PNLDC1: variants seen among roughly 807,000 people sequenced by gnomAD.
PNLDC1 encodes PARN like ribonuclease domain containing exonuclease 1, also known as poly(A)-specific ribonuclease PNLDC1.
A neutral mutation model predicts 82.0 loss-of-function variants in PNLDC1; 70 were observed. The ratio of observed to expected loss-of-function variants is 0.85; its 90% CI spans 0.70 to 1.04. The LOEUF (loss-of-function observed/expected upper bound fraction) is 1.04, where lower values mean the gene tolerates loss of function less well. Ranked by LOEUF, PNLDC1 falls within the 50% of genes least tolerant of loss-of-function variation. PNLDC1 has a pLI of 0.00. For missense variants in PNLDC1, 631 were observed against 661.1 expected (o/e 0.95, Z 0.50); for synonymous variants, 280 against 249.3 (o/e 1.12, Z -1.16).
Position 159,818,536 on chromosome 6 carries a change from G to C in PNLDC1, c.1158-19G>C. On this transcript the variant is annotated intron_variant, in intron 15 of 18. Coordinates refer to ENST00000392167, the MANE Select transcript of PNLDC1 (RefSeq NM_001271862.2). ...AACTTCTGTGCGCCCGACAGCTTTG[G>C]GGTTTTCTGTCCTTGCAGCATCGAC... is the stretch of plus-strand genomic sequence containing the variant. 6.2e-6 allele frequency: 10 copies of C among 1,609,136 alleles called. No homozygotes were observed. Among genetic ancestry groups the C allele is most frequent in the Non-Finnish European group, 8.5e-6 (10 of 1,176,352 alleles).
intron 1 of PNLDC1, 173 bp downstream of exon 1, chr6:159,800,556 C>G: frequency 1.5e-6 from 2 of 1,368,576 alleles, no homozygotes; most frequent in Non-Finnish European, 1.0e-6. Context: ...GCAGCAAGTA[C>G]ACTCCGAGCC....
chr6:159,814,284 A>ATG (rs1167333076), intron 12 of PNLDC1, among the ~76,000 whole-genome samples: 1 of 151,988 alleles, frequency 6.6e-6, no homozygotes, highest in Non-Finnish European at 1.5e-5. Context: ...CCTGTTCTGG[A>ATG]TGTGTGTGTG....
chr6:159,813,642 T>A lies in PNLDC1; in HGVS notation c.981T>A (p.Tyr327Ter), dbSNP rs1176421735. The change falls in exon 12 of 19, where the codon TAT becomes TAA. Residue 327 changes from tyrosine to a stop codon, truncating the protein, a stop_gained. Transcript: ENST00000392167. LOFTEE classifies it high-confidence loss of function. ...GGGTGTCGAATCTTTCGGAAGTCTA[T>A]GAAGTCCTGAACAGGTGAGGACGGC... ...FPRVSNLSEV[Y>*]EVLNSDLNPT... 6.2e-7 allele frequency: 1 copy of A among 1,613,926 alleles called. No individual in the cohort carries two copies. Among genetic ancestry groups the A allele is most frequent in the East Asian group, 2.2e-5 (1 of 44,874 alleles).
chr6:159,800,770 A>G lies in PNLDC1; in HGVS notation c.77-2A>G. On this transcript the variant is annotated splice_acceptor_variant, in intron 1 of 18. Transcript: ENST00000392167. LOFTEE classifies it high-confidence loss of function. Reference sequence around the variant, plus strand: ...GACTGCTATTTTTTGCCTTCCTGGCAGGTCTGGACATAGAGTTCACGGGCC... The same window carrying G: ...GACTGCTATTTTTTGCCTTCCTGGCGGGTCTGGACATAGAGTTCACGGGCC... 6.2e-7 allele frequency: 1 copy of G among 1,614,194 alleles called. No homozygotes were observed. The highest frequency in any genetic ancestry group is 8.5e-7 in the Non-Finnish European group (1 of 1,180,028).
At chr6:159,818,678 C>T (rs1562507690) in intron 16 of PNLDC1, 24 bp downstream of exon 16, 1 of 1,599,482 alleles carries the variant, frequency 6.3e-7, no homozygotes, top group Non-Finnish European at 8.6e-7. Context: ...ATTTGGCCCC[C>T]TCGCCCCATT....
rs774357601 is a variant in PNLDC1 at position 159,818,510 on chromosome 6, G to C, written c.1158-45G>C. On this transcript the variant is annotated intron_variant, in intron 15 of 18. Coordinates refer to ENST00000392167, the MANE Select transcript of PNLDC1 (RefSeq NM_001271862.2). ...CTTGGCTGTGGCCGAGGAAGTGGAT[G>C]AACTTCTGTGCGCCCGACAGCTTTG... 1.3e-5 allele frequency: 20 copies of C among 1,552,646 alleles called. No homozygotes were observed. In the East Asian group the frequency reaches 2.7e-4, roughly 21 times the overall value.
intron 7 of PNLDC1, among the ~76,000 whole-genome samples, chr6:159,807,908 AT>A (rs202104270): frequency 3.5e-4 from 50 of 144,550 alleles, no homozygotes; most frequent in Middle Eastern, 3.9e-3. Flanking sequence ...TTGAGGCTGG[AT>A]TTTTTTTTTC....
At chr6:159,809,915 A>C in intron 9 of PNLDC1, 111 bp from the exon 10 acceptor site, 1 of 870,544 alleles carries the variant, frequency 1.1e-6, no homozygotes, top group Non-Finnish European at 1.9e-6. Flanking sequence ...CTGTCAAGTG[A>C]TCAGAATTGC....
intron 3 of PNLDC1, among the ~76,000 whole-genome samples, chr6:159,801,407 C>T (rs1781249807): frequency 6.6e-6 from 1 of 152,160 alleles, no homozygotes; most frequent in South Asian, 2.1e-4. Context: ...TATTAAGGAA[C>T]ACTCACTGTT....
At chr6:159,811,921 A>AGGG in intron 11 of PNLDC1, 135 bp downstream of exon 11, 1 of 696,174 alleles carries the variant, frequency 1.4e-6, no homozygotes, top group Non-Finnish European at 2.3e-6. Flanking sequence ...TTTGTTTGAG[A>AGGG]GGGAGTCTTG....
Position 159,802,125 on chromosome 6 carries a change from TTGC to T in PNLDC1, c.208+940_208+942del, listed in dbSNP as rs558378881. ...CTGGTCAAGACAGAGCTGTTAACGG[TTGC>T]GTAATGCTGTTTCTTTTACAGCTAC... is the stretch of plus-strand genomic sequence containing the variant. On this transcript the variant is annotated intron_variant, in intron 3 of 18. Transcript: ENST00000392167. 1.5e-4 allele frequency among the ~76,000 whole-genome samples: 23 copies of T among 152,350 alleles called. No individual in the cohort carries two copies. In the South Asian group the frequency reaches 4.8e-3, roughly 32 times the overall value.
Position 159,816,536 on chromosome 6 carries a change from G to A in PNLDC1, c.1061-7G>A, listed in dbSNP as rs1781836845. The A allele has an allele frequency of 1.2e-6, 2 of 1,613,538 alleles. No individual in the cohort carries two copies. Among genetic ancestry groups the A allele is most frequent in the East Asian group, 4.5e-5 (2 of 44,842 alleles). On this transcript the variant is annotated splice_polypyrimidine_tract_variant and splice_region_variant and intron_variant, in intron 13 of 18. Transcript: ENST00000392167. ...ATTCTCTGTCCTCCTGGTGGAAAATGCCTCAGTTGAGACAAAGTGCCCCCA... is the reference window on the plus strand; with the variant it reads ...ATTCTCTGTCCTCCTGGTGGAAAATACCTCAGTTGAGACAAAGTGCCCCCA...
At position 159,800,290 on chromosome 6, in the gene PNLDC1, C is replaced by T. The variant is rs944569142; in HGVS notation, c.-18C>T. On this transcript the variant is annotated 5_prime_UTR_variant, in exon 1 of 19. Coordinates refer to ENST00000392167, the MANE Select transcript of PNLDC1 (RefSeq NM_001271862.2). ...CAGCACGTGATAGCGCTGGGCGACT[C>T]CGCGGAGCTGCACGGCCATGGACGT... 1 of 1,543,210 alleles carries T rather than the reference C, an allele frequency of 6.5e-7. No individual in the cohort carries two copies. Among genetic ancestry groups the T allele is most frequent in the Admixed American group, 2.0e-5 (1 of 50,822 alleles).
chr6:159,818,711 G>A (rs1781928957), intron 16 of PNLDC1, 57 bp downstream of exon 16: 1 of 1,517,718 alleles, frequency 6.6e-7, no homozygotes, highest in South Asian at 1.1e-5. Flanking sequence ...GCTTTGCTGG[G>A]AAGCGGCCAG....
rs1346440721 is a variant in PNLDC1 at position 159,808,766 on chromosome 6, G to C, written c.589G>C (p.Val197Leu). The C allele has an allele frequency of 6.2e-7, 1 of 1,614,052 alleles. No homozygotes were observed. The highest frequency in any genetic ancestry group is 8.5e-7 in the Non-Finnish European group (1 of 1,179,994). The change falls in exon 8 of 19, where the codon GTG (valine) becomes CTG (leucine). Residue 197 changes from valine to leucine, a missense_variant. Physicochemically the swap from Val to Leu is conservative, Grantham distance 32. Coordinates refer to ENST00000392167, the MANE Select transcript of PNLDC1 (RefSeq NM_001271862.2). ...CTTCCAGGCCTTTGAGGTCCAACTG[G>C]TGCTGAGGCAGGCCCTCCCCAACAT... ...TGFQAFEVQL[V>L]LRQALPNIWT...
At chr6:159,815,126 C>T (rs1354458710) in intron 12 of PNLDC1, among the ~76,000 whole-genome samples, 1 of 152,244 alleles carries the variant, frequency 6.6e-6, no homozygotes, top group Non-Finnish European at 1.5e-5. Context: ...AGCTGAGTTG[C>T]TCACATCTGT....
In PNLDC1 at chr6:159,819,445, A is replaced by G; in HGVS notation, c.1532+93A>G. The G allele has an allele frequency of 8.9e-7, 1 of 1,127,284 alleles. No homozygotes were observed. The highest frequency in any genetic ancestry group is 1.4e-5 in the South Asian group (1 of 70,006). The allele number at this position is 1,127,284 out of a possible 1,614,324, so 69.8% of individuals were successfully genotyped here. On this transcript the variant is annotated intron_variant, in intron 18 of 18. Coordinates refer to ENST00000392167, the MANE Select transcript of PNLDC1 (RefSeq NM_001271862.2). The surrounding 1 kb of genome is among the most constrained non-coding windows in gnomAD (Gnocchi z 4.6). ...GCATGGTCTGACTCGAGCACAGCTC[A>G]CTTGCTGGTGTGTGTTGCCAAGGGG...
chr6:159,815,697 G>A (rs1781790383), intron 12 of PNLDC1, among the ~76,000 whole-genome samples: 1 of 152,162 alleles, frequency 6.6e-6, no homozygotes, highest in South Asian at 2.1e-4. Flanking sequence ...GGAGGACAGA[G>A]ACAGTATCTT....
At chr6:159,811,455 G>A (rs1781642969) in intron 10 of PNLDC1, among the ~76,000 whole-genome samples, 2 of 152,152 alleles carry the variant, frequency 1.3e-5, no homozygotes, top group Non-Finnish European at 2.9e-5. Flanking sequence ...ATTAACTACG[G>A]TTGGCAATAG....
Sources: gnomAD v4.1 joint callset for allele counts (sites outside exome capture counted in the v4.1 genomes callset) on GRCh38, gnomAD v4.1.1 for gene constraint, Gnocchi (gnomAD v3.1) non-coding constraint, MANE v1.5 for transcripts, NCBI Gene and HGNC (gene_info 2026-07-23, HGNC 2026-07-21) for gene names.